The following CLSTN2 variants were observed in gnomAD, a reference collection of about 807,000 sequenced individuals.
CLSTN2 encodes calsyntenin-2.
CLSTN2 carries 48 observed loss-of-function variants against 101.2 expected under a neutral mutation model. The ratio of observed to expected loss-of-function variants is 0.47; its 90% confidence interval spans 0.38 to 0.60. The LOEUF (loss-of-function observed/expected upper bound fraction) is 0.60, where lower values mean the gene tolerates loss of function less well. Among genes scored for constraint, CLSTN2 ranks in the 20% least tolerant of loss-of-function variants. The probability of loss-of-function intolerance (pLI) is 0.00; values close to 1 mark genes in which losing one functional copy is unlikely to be tolerated. For synonymous variants in CLSTN2, 481 were observed against 463.6 expected (o/e 1.04, Z -0.48); for missense variants, 1,160 against 1,238.2 (o/e 0.94, Z 0.95).
intron 1 of CLSTN2, among the ~76,000 whole-genome samples, chr3:140,096,458 A>AT (rs1406350563): frequency 6.6e-6 from 1 of 152,178 alleles, no homozygotes; most frequent in African/African-American, 2.4e-5. Flanking sequence ...CTGTTGGTAG[A>AT]TTTTGTGGCA....
intron 1 of CLSTN2, among the ~76,000 whole-genome samples, chr3:139,966,348 A>G (rs1261182002): frequency 6.6e-6 from 1 of 152,196 alleles, no homozygotes; most frequent in African/African-American, 2.4e-5. Flanking sequence ...ATATGCATCT[A>G]TGATCCTTTA....
chr3:140,243,871 G>T (rs1380649385), intron 2 of CLSTN2, among the ~76,000 whole-genome samples: 1 of 152,222 alleles, frequency 6.6e-6, no homozygotes, highest in Non-Finnish European at 1.5e-5. Flanking sequence ...GCGCAAGTGA[G>T]AAAACAGGCC....
intron 2 of CLSTN2, among the ~76,000 whole-genome samples, chr3:140,184,671 G>C (rs772381347): frequency 3.3e-5 from 5 of 152,120 alleles, no homozygotes; most frequent in Admixed American, 2.0e-4. Context: ...TAAAGGGCGT[G>C]GGGGGTAGGG....
intron 1 of CLSTN2, among the ~76,000 whole-genome samples, chr3:140,141,027 C>T (rs997439147): frequency 6.6e-6 from 1 of 152,208 alleles, no homozygotes; most frequent in African/African-American, 2.4e-5. Flanking sequence ...ACATAAGACA[C>T]CTTCTGTGGA....
chr3:140,567,521 A>G lies in CLSTN2; in HGVS notation c.*1268A>G, dbSNP rs1985324792. On this transcript the variant is annotated 3_prime_UTR_variant, in exon 17 of 17. Coordinates refer to ENST00000458420, the MANE Select transcript of CLSTN2 (RefSeq NM_022131.3). Reference sequence around the variant, plus strand: ...TTTTTTTGATAAGGAAATCTTTTCCATCTCCATCCTAACATGCACAACCTG... The same window carrying G: ...TTTTTTTGATAAGGAAATCTTTTCCGTCTCCATCCTAACATGCACAACCTG... 1 of 152,244 alleles carries G rather than the reference A, an allele frequency of 6.6e-6. No individual in the cohort carries two copies. Among genetic ancestry groups the G allele is most frequent in the South Asian group, 2.1e-4 (1 of 4,830 alleles). The allele number at this position is 152,244 out of a possible 1,614,324, so 9.4% of individuals were successfully genotyped here. A position where few individuals can be genotyped will look rare whatever the true frequency, so the allele number is the denominator to read the frequency against.
At chr3:140,442,703 C>A (rs977547061) in intron 5 of CLSTN2, among the ~76,000 whole-genome samples, 6 of 152,178 alleles carry the variant, frequency 3.9e-5, no homozygotes, top group African/African-American at 1.4e-4. Context: ...ACTAACCCAA[C>A]TGCTGAATGA....
At chr3:140,119,137 A>G (rs1386387483) in intron 1 of CLSTN2, among the ~76,000 whole-genome samples, 2 of 152,184 alleles carry the variant, frequency 1.3e-5, no homozygotes, top group Non-Finnish European at 2.9e-5. Flanking sequence ...TTGAGATTGT[A>G]ACAGGTCATG....
chr3:140,503,439 C>T (rs1052854921), intron 8 of CLSTN2, among the ~76,000 whole-genome samples: 4 of 152,148 alleles, frequency 2.6e-5, no homozygotes, highest in Non-Finnish European at 5.9e-5. Flanking sequence ...AGGTCCATAG[C>T]CTAGGAGCAA....
intron 2 of CLSTN2, among the ~76,000 whole-genome samples, chr3:140,397,371 T>C (rs899336096): frequency 6.6e-6 from 1 of 152,188 alleles, no homozygotes; most frequent in Non-Finnish European, 1.5e-5. Flanking sequence ...TCTCTGATAG[T>C]ACACCAGAGC....
intron 1 of CLSTN2, among the ~76,000 whole-genome samples, chr3:140,174,714 T>C (rs1174441512): frequency 6.6e-6 from 1 of 152,164 alleles, no homozygotes; most frequent in African/African-American, 2.4e-5. Context: ...GTGAGACGTA[T>C]TCACAACCAC....
chr3:140,574,316 G>A lies in CLSTN2; in HGVS notation c.*8063G>A, dbSNP rs1229954185. The stretch of plus-strand genomic sequence containing the variant: ...GCACGTGGGAGAAAACAGGAGTGGG[G>A]TTGTTTGGGGACTACCCCTTCCTAG... On this transcript the variant is annotated 3_prime_UTR_variant, in exon 17 of 17. Coordinates refer to ENST00000458420, the MANE Select transcript of CLSTN2 (RefSeq NM_022131.3). The A allele has an allele frequency of 6.6e-6, 1 of 152,230 alleles. No homozygotes were observed. The highest frequency in any genetic ancestry group is 2.4e-5 in the African/African-American group (1 of 41,460). 9.4% of individuals were successfully genotyped at this position (152,230 alleles called of 1,614,324 possible).
At chr3:140,403,941 T>C in intron 3 of CLSTN2, 117 bp downstream of exon 3, 1 of 851,028 alleles carries the variant, frequency 1.2e-6, no homozygotes, top group Non-Finnish European at 1.8e-6. Flanking sequence ...GCTCCAACTT[T>C]GCTCAACTGC....
chr3:140,552,475 G>A (rs1234965586), intron 10 of CLSTN2, among the ~76,000 whole-genome samples: 2 of 151,540 alleles, frequency 1.3e-5, no homozygotes, highest in Admixed American at 6.6e-5. Context: ...CTATGCTGAT[G>A]GCTAGGCCAG....
At chr3:140,476,226 G>A (rs1262007948) in intron 8 of CLSTN2, among the ~76,000 whole-genome samples, 2 of 152,222 alleles carry the variant, frequency 1.3e-5, no homozygotes, top group African/African-American at 4.8e-5. Flanking sequence ...CCAATTCGTT[G>A]CTAATCCTGC....
chr3:140,485,542 C>G (rs867090402), intron 8 of CLSTN2, among the ~76,000 whole-genome samples: 2 of 152,188 alleles, frequency 1.3e-5, no homozygotes, highest in Non-Finnish European at 2.9e-5. Context: ...TGGCTATGCC[C>G]TGCCCCCAGA....
At chr3:140,123,245 C>A (rs2009373289) in intron 1 of CLSTN2, among the ~76,000 whole-genome samples, 1 of 151,916 alleles carries the variant, frequency 6.6e-6, no homozygotes, top group Non-Finnish European at 1.5e-5. Context: ...CCAGTTGATT[C>A]ATTCTAGTCC....
In CLSTN2 at chr3:140,576,739, G is replaced by A. The variant is rs1004248958; in HGVS notation, c.*10486G>A. 1 of 152,224 alleles carries A rather than the reference G, an allele frequency of 6.6e-6. No homozygotes were observed. The highest frequency in any genetic ancestry group is 1.5e-5 in the Non-Finnish European group (1 of 68,068). The allele number at this position is 152,224 out of a possible 1,614,324, so 9.4% of individuals were successfully genotyped here. ...AGTCTGGCCGGTGTCTCCCACAGTG[G>A]ATGGCTTTGCCTCCAGCGGTGGACC... On this transcript the variant is annotated 3_prime_UTR_variant, in exon 17 of 17. Coordinates refer to ENST00000458420, the MANE Select transcript of CLSTN2 (RefSeq NM_022131.3).
intron 1 of CLSTN2, among the ~76,000 whole-genome samples, chr3:140,123,467 C>A (rs764116042): frequency 3.9e-5 from 6 of 152,018 alleles, no homozygotes; most frequent in Non-Finnish European, 5.9e-5. Context: ...AGACAGTAAA[C>A]CTCCCTGAGT....
intron 1 of CLSTN2, among the ~76,000 whole-genome samples, chr3:140,113,415 G>T (rs2009187451): frequency 6.6e-6 from 1 of 152,178 alleles, no homozygotes; most frequent in African/African-American, 2.4e-5. Flanking sequence ...GTTTCAAAAT[G>T]GGAACTGCTT....
Sources: gnomAD v4.1 joint callset for allele counts (sites outside exome capture counted in the v4.1 genomes callset) on GRCh38, gnomAD v4.1.1 for gene constraint, MANE v1.5 for transcripts, NCBI Gene and HGNC (gene_info 2026-07-23, HGNC 2026-07-21) for gene names.